STAG1: variants seen among roughly 807,000 people sequenced by gnomAD.
STAG1 encodes STAG1 cohesin complex component.
A neutral mutation model predicts 170.9 loss-of-function variants in STAG1; 26 were observed. The ratio of observed to expected loss-of-function variants is 0.15; its 90% confidence interval spans 0.11 to 0.21. The LOEUF (loss-of-function observed/expected upper bound fraction) is 0.21. STAG1 is among the 10% of genes least tolerant of loss of function. STAG1 has a pLI of 1.00. For synonymous variants in STAG1, 514 were observed against 497.7 expected (o/e 1.03, Z -0.44); for missense variants, 964 against 1,509.5 (o/e 0.64, Z 5.99).
intron 7 of STAG1, among the ~76,000 whole-genome samples, chr3:136,516,935 A>G (rs1934408203): frequency 6.6e-6 from 1 of 152,234 alleles, no homozygotes; most frequent in African/African-American, 2.4e-5. Flanking sequence ...ACAGTATTAC[A>G]TGATTTCAGC....
chr3:136,341,376 C>G (rs543860628), intron 31 of STAG1, 65 bp downstream of exon 31: 1 of 1,080,338 alleles, frequency 9.3e-7, no homozygotes, highest in East Asian at 2.4e-5. Flanking sequence ...AAACCCAAGT[C>G]ATTTCACAAA....
At chr3:136,716,225 G>A (rs1450564491) in intron 1 of STAG1, among the ~76,000 whole-genome samples, 3 of 152,142 alleles carry the variant, frequency 2.0e-5, no homozygotes, top group Non-Finnish European at 4.4e-5. Context: ...GGGAGGCTGA[G>A]ATGGGTGGAT....
intron 13 of STAG1, among the ~76,000 whole-genome samples, chr3:136,458,917 T>C (rs2089195507): frequency 6.6e-6 from 1 of 151,950 alleles, no homozygotes; most frequent in Non-Finnish European, 1.5e-5. Flanking sequence ...AAGTCAAGAA[T>C]GATTAAAAAA....
intron 1 of STAG1, among the ~76,000 whole-genome samples, chr3:136,684,525 G>A (rs1447682477): frequency 6.6e-6 from 1 of 152,134 alleles, no homozygotes; most frequent in Non-Finnish European, 1.5e-5. Flanking sequence ...TGAGGCAGGT[G>A]GATCACTTGA....
At chr3:136,737,217 T>C (rs1228946797) in intron 1 of STAG1, 8 of 666,300 alleles carry the variant, frequency 1.2e-5, no homozygotes, top group Non-Finnish European at 2.2e-5. Flanking sequence ...CGCTCTCTCC[T>C]GAAGCCGCCA....
At chr3:136,666,784 C>T (rs1214065747) in intron 1 of STAG1, among the ~76,000 whole-genome samples, 2 of 150,910 alleles carry the variant, frequency 1.3e-5, no homozygotes, top group Admixed American at 6.6e-5. Flanking sequence ...CACGCCATTG[C>T]ACTCCAGCCT....
Position 136,422,566 on chromosome 3 carries a change from G to T in STAG1, c.1881C>A (p.His627Gln), listed in dbSNP as rs568431948. The T allele has an allele frequency of 5.2e-5, 84 of 1,613,918 alleles. No individual in the cohort carries two copies. In the South Asian group the frequency reaches 9.2e-4, roughly 18 times the overall value. Residue 627 changes from histidine to glutamine, a missense_variant, in exon 19 of 34, where the codon CAC becomes CAA. Physicochemically the swap from His to Gln is conservative, Grantham distance 24. Transcript: ENST00000383202. ...LKQIKFVVEK[H>Q]VESDVLEACS... Reference sequence around the variant, plus strand: ...AGGCTTCTAGAACATCTGATTCTACGTGTTTCTCCACAACAAACTTAATCT... The same window carrying T: ...AGGCTTCTAGAACATCTGATTCTACTTGTTTCTCCACAACAAACTTAATCT...
chr3:136,474,823 CTCTA>C (rs1201964765), intron 10 of STAG1, among the ~76,000 whole-genome samples: 3 of 152,276 alleles, frequency 2.0e-5, no homozygotes, highest in East Asian at 3.9e-4. Context: ...GGTTCAATAT[CTCTA>C]TCTTTCTCTG....
In STAG1 at chr3:136,479,599, G is replaced by C. The variant is rs1434151495; in HGVS notation, c.903-2187C>G. The stretch of plus-strand genomic sequence containing the variant: ...GTCCTTTGGGTATATATCCAGTAAC[G>C]GGATGGCTGGGTCAAATGGTATTTC... On this transcript the variant is annotated intron_variant, in intron 9 of 33. Coordinates refer to ENST00000383202, the MANE Select transcript of STAG1 (RefSeq NM_005862.3). Among the ~76,000 whole-genome samples, 2 of 61,424 alleles carry C rather than the reference G, an allele frequency of 3.3e-5. 1 individual carries two copies. The highest frequency in any genetic ancestry group is 1.0e-4 in the African/African-American group (2 of 19,374). The allele number at this position is 61,424 out of a possible 152,430, so 40.3% of individuals were successfully genotyped here.
intron 28 of STAG1, among the ~76,000 whole-genome samples, chr3:136,352,642 G>A (rs1451821649): frequency 6.6e-6 from 1 of 152,012 alleles, no homozygotes; most frequent in East Asian, 1.9e-4. Context: ...CTTTATGATA[G>A]TGCTTTTAGC....
At chr3:136,368,288 C>T (rs751859772) in intron 24 of STAG1, among the ~76,000 whole-genome samples, 1 of 152,118 alleles carries the variant, frequency 6.6e-6, no homozygotes, top group Non-Finnish European at 1.5e-5. Flanking sequence ...ATCTATTTCA[C>T]AAATAATGTA....
At chr3:136,608,269 A>AC (rs1317210409) in intron 3 of STAG1, among the ~76,000 whole-genome samples, 4 of 151,966 alleles carry the variant, frequency 2.6e-5, no homozygotes, top group Non-Finnish European at 4.4e-5. Context: ...AAAAAAAAAA[A>AC]AAAACTGCAC....
intron 13 of STAG1, among the ~76,000 whole-genome samples, chr3:136,459,155 T>C (rs181686257): frequency 3.3e-5 from 5 of 150,188 alleles, no homozygotes; most frequent in Admixed American, 6.7e-5. Context: ...GAGGTGGAGG[T>C]TGCAGTGAGC....
chr3:136,581,409 A>C (rs1366573685), intron 4 of STAG1, among the ~76,000 whole-genome samples: 1 of 152,250 alleles, frequency 6.6e-6, no homozygotes, highest in Non-Finnish European at 1.5e-5. Flanking sequence ...TGCAATACAT[A>C]TAAGTTATTT....
chr3:136,406,486 C>T (rs535136980), intron 21 of STAG1, among the ~76,000 whole-genome samples: 2 of 151,880 alleles, frequency 1.3e-5, no homozygotes, highest in East Asian at 3.9e-4. Flanking sequence ...GTGATGACTA[C>T]AAAAATCTAA....
At chr3:136,373,662 A>C (rs943467222) in intron 23 of STAG1, among the ~76,000 whole-genome samples, 7 of 152,026 alleles carry the variant, frequency 4.6e-5, no homozygotes, top group African/African-American at 1.7e-4. Context: ...AGCGGTTTTG[A>C]GTGAGTTTCT....
chr3:136,641,022 T>C (rs1940778710), intron 1 of STAG1, among the ~76,000 whole-genome samples: 1 of 152,206 alleles, frequency 6.6e-6, no homozygotes, highest in African/African-American at 2.4e-5. Flanking sequence ...TTCCACATCT[T>C]GAACACTGCT....
chr3:136,459,101 C>T (rs956184581), intron 13 of STAG1, among the ~76,000 whole-genome samples: 5 of 151,906 alleles, frequency 3.3e-5, no homozygotes, highest in Non-Finnish European at 7.4e-5. Context: ...GCCTGCAGTC[C>T]CAGCTACTCG....
At position 136,506,250 on chromosome 3, in the gene STAG1, T is replaced by C. The variant is rs555225766; in HGVS notation, c.677-3471A>G. Among the ~76,000 whole-genome samples, 6 of 152,312 alleles carry C rather than the reference T, an allele frequency of 3.9e-5. No individual in the cohort carries two copies. In the South Asian group the frequency reaches 8.3e-4, roughly 21 times the overall value. ...TTTGCAATAATGAGTCTTAGGTTTT[T>C]GCCTTTGGCAACTCAGTGAAATGAT... On this transcript the variant is annotated intron_variant, in intron 7 of 33. Coordinates refer to ENST00000383202, the MANE Select transcript of STAG1 (RefSeq NM_005862.3).
Sources: allele counts gnomAD v4.1 joint callset (sites outside exome capture counted in the v4.1 genomes callset), GRCh38; gene constraint gnomAD v4.1.1; transcripts MANE v1.5; gene names NCBI Gene and HGNC (gene_info 2026-07-23, HGNC 2026-07-21).